Variants in CCDC112 observed in about 807,000 individuals in gnomAD.
The protein encoded by CCDC112 is coiled-coil domain-containing protein 112.
A neutral mutation model predicts 66.3 loss-of-function variants in CCDC112; 40 were observed. The ratio of observed to expected loss-of-function variants is 0.60; its 90% CI spans 0.47 to 0.79. The LOEUF (loss-of-function observed/expected upper bound fraction) is 0.79. Ranked by LOEUF, CCDC112 falls within the 30% of genes least tolerant of loss-of-function variation. The pLI is 0.00. For missense variants in CCDC112, 659 were observed against 603.8 expected (o/e 1.09, Z -0.96); for synonymous variants, 214 against 197.2 (o/e 1.09, Z -0.71).
At chr5:115,272,294 T>G (rs1749038474) in intron 6 of CCDC112, among the ~76,000 whole-genome samples, 1 of 152,174 alleles carries the variant, frequency 6.6e-6, no homozygotes, top group Non-Finnish European at 1.5e-5. Context: ...CCAAATTCTC[T>G]TTCTAGGCTT....
At chr5:115,272,971 G>T (rs1267468407) in intron 6 of CCDC112, among the ~76,000 whole-genome samples, 1 of 152,138 alleles carries the variant, frequency 6.6e-6, no homozygotes, top group Non-Finnish European at 1.5e-5. Flanking sequence ...GAACTAAACA[G>T]TGCTCACTGC....
At chr5:115,270,779 A>G (rs1748962184) in intron 7 of CCDC112, among the ~76,000 whole-genome samples, 1 of 152,136 alleles carries the variant, frequency 6.6e-6, no homozygotes, top group Non-Finnish European at 1.5e-5. Context: ...TTAATGCCCT[A>G]AGAATACTGA....
In CCDC112 at chr5:115,296,413, T is replaced by C; in HGVS notation, c.117+14A>G. On this transcript the variant is annotated intron_variant, in intron 1 of 9. Transcript: ENST00000379611. ...GCCTGCCGCCAGAGCAGCTCTCGGT[T>C]CTCCCGGATTTACCTGTTGAGGCGC... is the stretch of plus-strand genomic sequence containing the variant. 6.4e-7 allele frequency: 1 copy of C among 1,565,524 alleles called. No individual in the cohort carries two copies. The highest frequency in any genetic ancestry group is 1.1e-5 in the South Asian group (1 of 88,146).
chr5:115,293,759 T>G (rs565855588), intron 1 of CCDC112, among the ~76,000 whole-genome samples: 33 of 152,330 alleles, frequency 2.2e-4, no homozygotes, highest in African/African-American at 6.5e-4. Flanking sequence ...CGATGCAAGA[T>G]TACACAGTCA....
intron 1 of CCDC112, among the ~76,000 whole-genome samples, chr5:115,287,141 C>A (rs1009968334): frequency 2.0e-5 from 3 of 152,120 alleles, no homozygotes; most frequent in African/African-American, 7.2e-5. Context: ...TTTACATTCC[C>A]ACCAGCAATG....
At chr5:115,284,947 T>G in intron 1 of CCDC112, 39 bp from the exon 2 acceptor site, 1 of 1,566,970 alleles carries the variant, frequency 6.4e-7, no homozygotes, top group Non-Finnish European at 8.7e-7. Flanking sequence ...GTAATGAAAA[T>G]AGTAAGACAT....
rs1561502784 is a variant in CCDC112 at position 115,296,418 on chromosome 5, CG to C, written c.117+8del. On this transcript the variant is annotated splice_region_variant and intron_variant, in intron 1 of 9. Transcript: ENST00000379611. Reference sequence around the variant, plus strand: ...CCGCCAGAGCAGCTCTCGGTTCTCCCGGATTTACCTGTTGAGGCGCTGGCGT... The same window carrying C: ...CCGCCAGAGCAGCTCTCGGTTCTCCCGATTTACCTGTTGAGGCGCTGGCGT... 5 of 1,566,996 alleles carry C rather than the reference CG, an allele frequency of 3.2e-6. No individual in the cohort carries two copies. The South Asian group carries it at 5.7e-5, about 18-fold the overall frequency.
intron 1 of CCDC112, among the ~76,000 whole-genome samples, chr5:115,285,957 G>A (rs1749657644): frequency 6.6e-6 from 1 of 152,152 alleles, no homozygotes; most frequent in South Asian, 2.1e-4. Context: ...TGTGGGGGAT[G>A]AGGGGAAAAG....
chr5:115,280,135 T>A (rs936905483), intron 2 of CCDC112, among the ~76,000 whole-genome samples: 2 of 152,210 alleles, frequency 1.3e-5, no homozygotes, highest in Non-Finnish European at 2.9e-5. Flanking sequence ...TAGTAGATAC[T>A]ATTAATTTTG....
intron 1 of CCDC112, chr5:115,289,448 G>A (rs959331199): frequency 6.5e-6 from 1 of 153,128 alleles, no homozygotes; most frequent in Non-Finnish European, 1.5e-5. Context: ...CCCAGCGGCT[G>A]AGATCCCCAC....
chr5:115,277,180 A>G, intron 3 of CCDC112, 126 bp from the exon 4 acceptor site: 1 of 581,090 alleles, frequency 1.7e-6, no homozygotes, highest in Non-Finnish European at 3.1e-6. Context: ...AACAAAAGAT[A>G]TTTATGTCAA....
rs993095361 is a variant in CCDC112 at position 115,296,469 on chromosome 5, C to T, written c.75G>A (p.Ala25=). 1.4e-5 allele frequency: 22 copies of T among 1,550,464 alleles called. No individual in the cohort carries two copies. The highest frequency in any genetic ancestry group is 2.1e-4 in the Middle Eastern group (1 of 4,828). ...TCGCTCCCACGCCGGTCCCGGTGGC[C>T]GCGCCCGCCCCTGCCACAGCCCCGG... ...AVAGAVAGAG[A]ATGTGVGATP... is the part of the protein sequence containing the mutation. Residue 25 remains alanine, a synonymous_variant, in exon 1 of 10, where the codon GCG becomes GCA. Coordinates refer to ENST00000379611, the MANE Select transcript of CCDC112 (RefSeq NM_001040440.3).
intron 1 of CCDC112, among the ~76,000 whole-genome samples, chr5:115,293,238 G>A (rs1317221127): frequency 6.6e-6 from 1 of 152,122 alleles, no homozygotes; most frequent in Non-Finnish European, 1.5e-5. Flanking sequence ...TAGACAGGAG[G>A]AATGTTTTGA....
chr5:115,271,064 G>C, intron 7 of CCDC112, 149 bp downstream of exon 7: 2 of 647,990 alleles, frequency 3.1e-6, no homozygotes, highest in South Asian at 2.2e-5. Context: ...TAACCTACTA[G>C]AAGTTAGGGA....
At chr5:115,292,920 A>G (rs1749995354) in intron 1 of CCDC112, among the ~76,000 whole-genome samples, 1 of 152,232 alleles carries the variant, frequency 6.6e-6, no homozygotes, top group Admixed American at 6.5e-5. Flanking sequence ...TCAAAGACAA[A>G]CAAGGATGAG....
Position 115,296,491 on chromosome 5 carries a change from C to A in CCDC112, c.53G>T (p.Gly18Val). The A allele has an allele frequency of 6.4e-7, 1 of 1,560,684 alleles. No individual in the cohort carries two copies. Among genetic ancestry groups the A allele is most frequent in the Non-Finnish European group, 8.6e-7 (1 of 1,159,924 alleles). ...VVAAAATAVA[G>V]AVAGAGAATG... Reference sequence around the variant, plus strand: ...GGCCGCGCCCGCCCCTGCCACAGCCCCGGCTACCGCGGTGGCCGCAGCCGC... The same window carrying A: ...GGCCGCGCCCGCCCCTGCCACAGCCACGGCTACCGCGGTGGCCGCAGCCGC... The change falls in exon 1 of 10, where the codon GGG (glycine) becomes GTG (valine). Residue 18 changes from glycine to valine, a missense_variant. By Grantham distance (109) the Gly-to-Val change is moderately radical. Transcript: ENST00000379611.
At position 115,268,332 on chromosome 5, in the gene CCDC112, G is replaced by A. The variant is rs376496131; in HGVS notation, c.1548-414C>T. On this transcript the variant is annotated intron_variant, in intron 9 of 9. Coordinates refer to ENST00000379611, the MANE Select transcript of CCDC112 (RefSeq NM_001040440.3). ...AGTCTCACTGTTACCCAGGTGGCAC[G>A]ATCTCGGCTCACCATAACCTCTGCC... Among the ~76,000 whole-genome samples, 11 of 152,018 alleles carry A rather than the reference G, an allele frequency of 7.2e-5. No homozygotes were observed. The East Asian group carries it at 1.4e-3, about 19-fold the overall frequency.
chr5:115,296,042 C>A, intron 1 of CCDC112: 1 of 999,590 alleles, frequency 1.0e-6, no homozygotes, highest in South Asian at 4.5e-5. Context: ...AATTACTGAG[C>A]ACAGAGTCCC....
At chr5:115,281,960 A>T (rs1749475329) in intron 2 of CCDC112, among the ~76,000 whole-genome samples, 2 of 152,190 alleles carry the variant, frequency 1.3e-5, no homozygotes, top group South Asian at 4.1e-4. Context: ...CACATTTGTA[A>T]ATTCATTTAT....
Sources: allele counts gnomAD v4.1 joint callset (sites outside exome capture counted in the v4.1 genomes callset), GRCh38; gene constraint gnomAD v4.1.1; transcripts MANE v1.5; gene names NCBI Gene and HGNC (gene_info 2026-07-23, HGNC 2026-07-21).